SEC61A1: variants seen among roughly 807,000 people sequenced by gnomAD.
The protein encoded by SEC61A1 is SEC61 translocon subunit alpha 1.
Under a neutral mutation model 55.2 loss-of-function variants are expected in SEC61A1, and 15 were observed. The ratio of observed to expected loss-of-function variants is 0.27; its 90% CI spans 0.18 to 0.42. The LOEUF (loss-of-function observed/expected upper bound fraction) is 0.42. Ranked by LOEUF, SEC61A1 falls within the 10% of genes least tolerant of loss-of-function variation. The pLI, the probability that SEC61A1 is intolerant of heterozygous loss-of-function variation, is 1.00. For missense variants in SEC61A1, 284 were observed against 602.6 expected, an observed-to-expected ratio of 0.47 and a Z score of 5.53; for synonymous variants, 247 against 234.0, an observed-to-expected ratio of 1.06 and a Z score of -0.51.
chr3:128,064,777 T>A (rs1941911911), intron 7 of SEC61A1, 100 bp from the exon 8 acceptor site: 1 of 1,061,770 alleles, frequency 9.4e-7, no homozygotes. Flanking sequence ...GTCTAATAAC[T>A]TAAGTTTGTT....
intron 11 of SEC61A1, 86 bp from the exon 12 acceptor site, chr3:128,069,390 C>T: frequency 7.7e-7 from 1 of 1,297,286 alleles, no homozygotes; most frequent in Non-Finnish European, 1.1e-6. Flanking sequence ...GGCATTAGGT[C>T]CCAAAGTCTC....
At position 128,069,845 on chromosome 3, in the gene SEC61A1, C is replaced by T; in HGVS notation, c.*183C>T. On this transcript the variant is annotated 3_prime_UTR_variant, in exon 12 of 12. Coordinates refer to ENST00000243253, the MANE Select transcript of SEC61A1 (RefSeq NM_013336.4). Reference sequence around the variant, plus strand: ...TTTAAAATTTTGCTTTTTATCCTGGCACTGGCAAAAAGAACTGTGAAAGTG... The same window carrying T: ...TTTAAAATTTTGCTTTTTATCCTGGTACTGGCAAAAAGAACTGTGAAAGTG... The T allele has an allele frequency of 1.7e-6, 1 of 604,304 alleles. No homozygotes were observed. The highest frequency in any genetic ancestry group is 2.9e-6 in the Non-Finnish European group (1 of 350,392). 37.4% of individuals were successfully genotyped at this position (604,304 alleles called of 1,614,324 possible).
At chr3:128,063,460 C>CCAAAG (rs1386504961) in intron 7 of SEC61A1, among the ~76,000 whole-genome samples, 1 of 152,198 alleles carries the variant, frequency 6.6e-6, no homozygotes, top group African/African-American at 2.4e-5. Flanking sequence ...CCTCAGCCTC[C>CCAAAG]TGAGTATGGG....
chr3:128,067,070 G>T lies in SEC61A1; in HGVS notation c.894G>T (p.Val298=). 6.2e-7 allele frequency: 1 copy of T among 1,614,212 alleles called. No individual in the cohort carries two copies. Among genetic ancestry groups the T allele is most frequent in the Middle Eastern group, 1.6e-4 (1 of 6,062 alleles). The change falls in exon 9 of 12, where the codon GTG becomes GTT. Residue 298 remains valine (V), a synonymous_variant. Transcript: ENST00000243253. This position sits in a 1 kb window ranked among gnomAD's most constrained non-coding sequence, Gnocchi z 4.1. The stretch of plus-strand genomic sequence containing the variant: ...CCATCATCCTGCAGTCTGCCCTGGT[G>T]TCCAACCTTTATGTCATCTCCCAAA... ...NIPIILQSAL[V]SNLYVISQML...
In SEC61A1 at chr3:128,067,740, A is replaced by C. The variant is rs1354725178; in HGVS notation, c.1167+128A>C. 6.4e-6 allele frequency: 5 copies of C among 783,296 alleles called. No homozygotes were observed. Among genetic ancestry groups the C allele is most frequent in the Non-Finnish European group, 8.1e-6 (4 of 492,030 alleles). 48.5% of individuals were successfully genotyped at this position (783,296 alleles called of 1,614,324 possible). On this transcript the variant is annotated intron_variant, in intron 10 of 11. Transcript: ENST00000243253. The surrounding 1 kb of genome is among the most constrained non-coding windows in gnomAD (Gnocchi z 4.1). ...GATAGATCGTCGTCCTTTAGGGGGCAGTTCAGAAGCTTTAAGGGCTGACAG... is the reference window on the plus strand; with the variant it reads ...GATAGATCGTCGTCCTTTAGGGGGCCGTTCAGAAGCTTTAAGGGCTGACAG...
chr3:128,058,561 T>G (rs1388938777), intron 5 of SEC61A1, among the ~76,000 whole-genome samples: 1 of 152,086 alleles, frequency 6.6e-6, no homozygotes, highest in Non-Finnish European at 1.5e-5. Flanking sequence ...AAAATTAGGA[T>G]TCTAAAATAC....
intron 7 of SEC61A1, among the ~76,000 whole-genome samples, chr3:128,063,440 C>G (rs1048675509): frequency 6.6e-6 from 1 of 152,234 alleles, no homozygotes; most frequent in East Asian, 1.9e-4. Flanking sequence ...CGGGTTCAAG[C>G]AGTTCTCTGC....
At chr3:128,052,292 CG>C, upstream of SEC61A1, 1 of 279,870 alleles carries the variant, frequency 3.6e-6, no homozygotes, top group Non-Finnish European at 5.6e-6. Flanking sequence ...CGCTGCATGC[CG>C]GGGCTTGAGG....
upstream of SEC61A1, chr3:128,051,654 T>C: frequency 2.1e-6 from 3 of 1,412,678 alleles, no homozygotes; most frequent in Non-Finnish European, 1.8e-6. Flanking sequence ...CACACCGCCA[T>C]GCTTTGCCCA....
In SEC61A1 at chr3:128,060,531, C is replaced by T. The variant is rs754140750; in HGVS notation, c.486C>T (p.Val162=). 6.9e-5 allele frequency: 112 copies of T among 1,613,972 alleles called. No individual in the cohort carries two copies. The highest frequency in any genetic ancestry group is 9.2e-5 in the Non-Finnish European group (109 of 1,180,006). Residue 162 remains valine, a synonymous_variant, in exon 7 of 12, where the codon GTC becomes GTT. Transcript: ENST00000243253. The part of the protein sequence containing the change: ...TIQLFVAGLI[V]LLLDELLQKG... Reference sequence around the variant, plus strand: ...AGCTCTTTGTTGCTGGCTTAATTGTCCTACTTTTGGATGAACTCCTGCAAA... The same window carrying T: ...AGCTCTTTGTTGCTGGCTTAATTGTTCTACTTTTGGATGAACTCCTGCAAA...
rs370409126 is a variant in SEC61A1, at chr3:128,060,124, C to T, written c.375C>T (p.Ile125=). 9.3e-6 allele frequency: 15 copies of T among 1,613,450 alleles called. No homozygotes were observed. Among genetic ancestry groups the T allele is most frequent in the East Asian group, 8.9e-5 (4 of 44,896 alleles). Residue 125 remains isoleucine, a synonymous_variant, in exon 6 of 12, where the codon ATC becomes ATT. Coordinates refer to ENST00000243253, the MANE Select transcript of SEC61A1 (RefSeq NM_013336.4). ...TAGTATTTGGCATGATCATTACTAT[C>T]GGCCAGTCTATCGTGTATGTGATGA... ...AQKLFGMIIT[I]GQSIVYVMTG... is the part of the protein sequence containing the mutation.
chr3:128,069,403 G>T (rs1942085293), intron 11 of SEC61A1, 73 bp from the exon 12 acceptor site: 1 of 1,433,452 alleles, frequency 7.0e-7, no homozygotes, highest in Non-Finnish European at 9.5e-7. Flanking sequence ...AAAGTCTCAG[G>T]TGAGCCTGTT....
chr3:128,067,128 G>T lies in SEC61A1; in HGVS notation c.952G>T (p.Val318Phe). ...LSARFSGNLL[V>F]SLLGTWSDTS... ...AGCTCGCTTCAGTGGCAACTTGCTG[G>T]TCAGCCTGCTGGGCACCTGGTCGGT... The change falls in exon 9 of 12, where the codon GTC (valine) becomes TTC (phenylalanine). Residue 318 changes from valine to phenylalanine, a missense_variant. By Grantham distance (50) the Val-to-Phe change is conservative (BLOSUM62 -1). Transcript: ENST00000243253. The surrounding 1 kb of genome is among the most constrained non-coding windows in gnomAD (Gnocchi z 4.1). The T allele has an allele frequency of 6.2e-7, 1 of 1,614,198 alleles. No homozygotes were observed. The highest frequency in any genetic ancestry group is 1.3e-5 in the African/African-American group (1 of 75,044).
intron 5 of SEC61A1, among the ~76,000 whole-genome samples, chr3:128,057,456 T>C (rs1941788675): frequency 6.6e-6 from 1 of 152,198 alleles, no homozygotes; most frequent in South Asian, 2.1e-4. Flanking sequence ...CACCATTTCA[T>C]TATTGCTTAA....
rs967274840 is a variant in SEC61A1, at chr3:128,067,350, G to A, written c.976-71G>A. On this transcript the variant is annotated intron_variant, in intron 9 of 11. Coordinates refer to ENST00000243253, the MANE Select transcript of SEC61A1 (RefSeq NM_013336.4). The surrounding 1 kb of genome is among the most constrained non-coding windows in gnomAD (Gnocchi z 4.1). ...AAAATTGCATTCTTTCATCTGCTCA[G>A]AACTATTTTTGCCTTGATGCTAAAG... is the stretch of plus-strand genomic sequence containing the variant. The A allele has an allele frequency of 6.7e-7, 1 of 1,500,482 alleles. No individual in the cohort carries two copies. Among genetic ancestry groups the A allele is most frequent in the Non-Finnish European group, 9.1e-7 (1 of 1,103,322 alleles). The allele number at this position is 1,500,482 out of a possible 1,614,324, so 92.9% of individuals were successfully genotyped here. A position where few individuals can be genotyped will look rare whatever the true frequency, so the allele number is the denominator to read the frequency against.
At chr3:128,052,220 C>G, upstream of SEC61A1, 1 of 405,824 alleles carries the variant, frequency 2.5e-6, no homozygotes, top group South Asian at 3.4e-5. Context: ...TGCGCAGCCG[C>G]ACACCCCCAG....
chr3:128,068,213 T>G (rs1429645509), intron 11 of SEC61A1, among the ~76,000 whole-genome samples, 154 bp downstream of exon 11: 1 of 152,272 alleles, frequency 6.6e-6, no homozygotes, highest in Non-Finnish European at 1.5e-5. Context: ...TTTATAAACT[T>G]GCTAAGTGCT....
At chr3:128,051,749 T>C (rs532536264), upstream of SEC61A1, 1 of 1,496,038 alleles carries the variant, frequency 6.7e-7, no homozygotes, top group African/African-American at 1.4e-5. Context: ...CAGGAGGCCT[T>C]CCTGAATTCT....
chr3:128,066,739 A>G, intron 8 of SEC61A1: 1 of 577,784 alleles, frequency 1.7e-6, no homozygotes, highest in Non-Finnish European at 3.1e-6. Context: ...TGTATTTTTA[A>G]ACCAGCTTTT....
Sources: allele counts gnomAD v4.1 joint callset (sites outside exome capture counted in the v4.1 genomes callset), GRCh38; gene constraint gnomAD v4.1.1; non-coding constraint Gnocchi (gnomAD v3.1); transcripts MANE v1.5; gene names NCBI Gene and HGNC (gene_info 2026-07-23, HGNC 2026-07-21).